Variants in PYY observed in about 807,000 individuals in gnomAD.
The protein encoded by PYY is peptide YY.
In PYY, 12 loss-of-function variants were observed where a neutral mutation model predicts 10.3. The observed-to-expected ratio is 1.17, with a 90% confidence interval of 0.75 to 1.89. The LOEUF is 1.89. PYY is among the 40% of genes most tolerant of loss of function. The pLI is 0.00. For missense variants in PYY, 141 were observed against 134.0 expected (o/e 1.05, Z -0.26); for synonymous variants, 66 against 62.0 (o/e 1.06, Z -0.30).
Position 43,953,093 on chromosome 17 carries a change from T to A in PYY, c.269+16A>T. On this transcript the variant is annotated intron_variant, in intron 3 of 3. Transcript: ENST00000692052. ...GCGCTCTCGGATGCAGGATGTGTGGTAACGGGCGCTTTTACCGCGACCTGA... is the reference window on the plus strand; with the variant it reads ...GCGCTCTCGGATGCAGGATGTGTGGAAACGGGCGCTTTTACCGCGACCTGA... 1 of 1,613,452 alleles carries A rather than the reference T, an allele frequency of 6.2e-7. No individual in the cohort carries two copies. Among genetic ancestry groups the A allele is most frequent in the Non-Finnish European group, 8.5e-7 (1 of 1,179,668 alleles).
intron 1 of PYY, among the ~76,000 whole-genome samples, chr17:43,985,816 G>A (rs2048912221): frequency 6.6e-6 from 1 of 151,998 alleles, no homozygotes; most frequent in Non-Finnish European, 1.5e-5. Flanking sequence ...TCATGTTTTG[G>A]AAAAATGTTA....
At chr17:43,991,094 G>A (rs993461703) in intron 1 of PYY, among the ~76,000 whole-genome samples, 1 of 151,730 alleles carries the variant, frequency 6.6e-6, no homozygotes, top group Non-Finnish European at 1.5e-5. Flanking sequence ...AGGATTTAAT[G>A]TTATGCGGGA....
At chr17:43,989,149 C>T (rs1000068285) in intron 1 of PYY, among the ~76,000 whole-genome samples, 27 of 151,892 alleles carry the variant, frequency 1.8e-4, no homozygotes, top group East Asian at 5.9e-4. Context: ...CCAAGGCGGG[C>T]GGATCACGAG....
At chr17:43,983,401 G>A (rs943219023) in intron 1 of PYY, among the ~76,000 whole-genome samples, 1 of 152,196 alleles carries the variant, frequency 6.6e-6, no homozygotes, top group Non-Finnish European at 1.5e-5. Context: ...CCTACCTGAT[G>A]GAGCCCCAGC....
At position 43,953,108 on chromosome 17, in the gene PYY, CCG is replaced by C; in HGVS notation, c.268_269del (p.Arg90ValfsTer?). The C allele has an allele frequency of 6.2e-7, 1 of 1,613,936 alleles. No homozygotes were observed. On this transcript the variant is annotated frameshift_variant and splice_region_variant, in exon 3 of 4. Transcript: ENST00000692052. LOFTEE classifies it high-confidence loss of function. ...PDGEDRPVRSRSEGPDLW is the reference protein window; with the variant it reads ...PDGEDRPVRSXSEGPDLW ...GGATGTGTGGTAACGGGCGCTTTTA[CCG>C]CGACCTGACGGGGCGGTCCTCGCCG...
At position 43,953,603 on chromosome 17, in the gene PYY, C is replaced by T. The variant is rs1185298483; in HGVS notation, c.1-120G>A. ...CCCTGGGGCTGGTACCGGACCAAGG[C>T]TCAGCCACCGGGCTTGCTGTGTGTT... On this transcript the variant is annotated intron_variant, in intron 1 of 3. Coordinates refer to ENST00000692052, the MANE Select transcript of PYY (RefSeq NM_001394028.1). The T allele has an allele frequency of 1.9e-5, 18 of 953,386 alleles. 1 individual carries two copies. In the Admixed American group the frequency reaches 4.3e-4, roughly 23 times the overall value. The allele number at this position is 953,386 out of a possible 1,614,324, so 59.1% of individuals were successfully genotyped here.
chr17:43,994,803 C>T (rs936583193), intron 1 of PYY, among the ~76,000 whole-genome samples: 6 of 152,218 alleles, frequency 3.9e-5, no homozygotes, highest in African/African-American at 1.4e-4. Flanking sequence ...GTTGGGGTCT[C>T]GGGATCCGAG....
At chr17:43,960,720 G>A (rs2048706572) in intron 2 of PYY, among the ~76,000 whole-genome samples, 1 of 151,406 alleles carries the variant, frequency 6.6e-6, no homozygotes, top group Non-Finnish European at 1.5e-5. Flanking sequence ...CATGGTGGCG[G>A]GTGCCTGTAA....
rs1168309257 is a variant in PYY, at chr17:43,987,725, AG to A, written c.-463+16665del. On this transcript the variant is annotated intron_variant, in intron 1 of 6. Coordinates refer to the PYY transcript ENST00000360085. This position sits in a 1 kb window ranked among gnomAD's most constrained non-coding sequence, Gnocchi z 4.0. ...AGTCCTTGCTCCAGGCACTGAGAGG[AG>A]GCCAGTGCCTGTTGTTCTGAGCAAA... 1.3e-5 allele frequency among the ~76,000 whole-genome samples: 2 copies of A among 152,242 alleles called. No homozygotes were observed. Among genetic ancestry groups the A allele is most frequent in the East Asian group, 3.8e-4 (2 of 5,202 alleles).
intron 1 of PYY, among the ~76,000 whole-genome samples, chr17:43,986,355 G>T (rs1443250976): frequency 6.6e-6 from 1 of 152,216 alleles, no homozygotes; most frequent in African/African-American, 2.4e-5. Flanking sequence ...AAGACAGATG[G>T]CATGGAGTGT....
intron 1 of PYY, among the ~76,000 whole-genome samples, chr17:43,982,202 C>T (rs2048888040): frequency 6.6e-6 from 1 of 152,194 alleles, no homozygotes; most frequent in Non-Finnish European, 1.5e-5. Flanking sequence ...CAGGTCAGTA[C>T]CAGCTAGTAA....
chr17:43,976,631 G>C (rs925684975), intron 1 of PYY, among the ~76,000 whole-genome samples: 3 of 152,032 alleles, frequency 2.0e-5, no homozygotes, highest in Non-Finnish European at 2.9e-5. Context: ...AATTAGCTGG[G>C]CGTGGTGGCG....
intron 1 of PYY, among the ~76,000 whole-genome samples, chr17:43,982,413 T>C (rs144285009): frequency 3.8e-4 from 58 of 152,334 alleles, no homozygotes; most frequent in South Asian, 2.7e-3. Context: ...CCTCTACTGA[T>C]TGAGGAAGGA....
intron 1 of PYY, among the ~76,000 whole-genome samples, chr17:43,992,147 T>C (rs2143956894): frequency 7.0e-6 from 1 of 143,328 alleles, no homozygotes; most frequent in East Asian, 2.3e-4. Context: ...AAAAAACCTT[T>C]ACCAGATATT....
intron 1 of PYY, among the ~76,000 whole-genome samples, chr17:43,993,106 G>C (rs1046499149): frequency 6.6e-6 from 1 of 152,126 alleles, no homozygotes; most frequent in Non-Finnish European, 1.5e-5. Flanking sequence ...TTGAGCCCAG[G>C]AATTTGAGAC....
intron 1 of PYY, among the ~76,000 whole-genome samples, chr17:43,997,776 G>A (rs75939744): frequency 0.068 from 10,297 of 152,012 alleles, 503 homozygotes; most frequent in Non-Finnish European, 0.095. Flanking sequence ...CCCCGCCCGC[G>A]TTCCTTTAAG....
chr17:43,955,738 C>T (rs989350094), upstream of PYY, among the ~76,000 whole-genome samples: 2 of 152,106 alleles, frequency 1.3e-5, no homozygotes, highest in African/African-American at 4.8e-5. Flanking sequence ...TACAGAGAGA[C>T]AGAGACAGCC....
intron 1 of PYY, among the ~76,000 whole-genome samples, chr17:43,984,318 C>T (rs934404984): frequency 5.3e-5 from 8 of 152,226 alleles, no homozygotes; most frequent in South Asian, 2.1e-4. Context: ...ACAGCCAGGG[C>T]CCCACCTCTT....
Position 43,952,814 on chromosome 17 carries a change from C to T in PYY, c.*142G>A, listed in dbSNP as rs545102418. The T allele has an allele frequency of 4.4e-6, 4 of 901,282 alleles. No individual in the cohort carries two copies. The highest frequency in any genetic ancestry group is 6.6e-6 in the Non-Finnish European group (4 of 610,188). The allele number at this position is 901,282 out of a possible 1,614,324, so 55.8% of individuals were successfully genotyped here. On this transcript the variant is annotated 3_prime_UTR_variant, in exon 4 of 4. Transcript: ENST00000692052. Reference sequence around the variant, plus strand: ...CCCTCCAGCCCAGGGGGCGGGGGCACCGAGACGCGGGCGGAGGGCCGCACC... The same window carrying T: ...CCCTCCAGCCCAGGGGGCGGGGGCATCGAGACGCGGGCGGAGGGCCGCACC...
Sources: gnomAD v4.1 joint callset for allele counts (sites outside exome capture counted in the v4.1 genomes callset) on GRCh38, gnomAD v4.1.1 for gene constraint, Gnocchi (gnomAD v3.1) non-coding constraint, MANE v1.5 for transcripts, NCBI Gene and HGNC (gene_info 2026-07-23, HGNC 2026-07-21) for gene names.